SLC4A4: variants seen among roughly 807,000 people sequenced by gnomAD.
The protein encoded by SLC4A4 is electrogenic sodium bicarbonate cotransporter 1.
Under a neutral mutation model 111.5 loss-of-function variants are expected in SLC4A4, and 27 were observed. The ratio of observed to expected loss-of-function variants is 0.24; its 90% CI spans 0.18 to 0.33. The LOEUF is 0.33. SLC4A4 is among the 10% of genes least tolerant of loss of function. The probability of loss-of-function intolerance (pLI) is 1.00; values close to 1 mark genes in which losing one functional copy is unlikely to be tolerated. For missense variants in SLC4A4, 909 were observed against 1,315.5 expected (o/e 0.69, Z 4.78); for synonymous variants, 443 against 463.4 (o/e 0.96, Z 0.57).
intron 6 of SLC4A4, among the ~76,000 whole-genome samples, chr4:71,388,389 T>C (rs905169573): frequency 2.0e-5 from 3 of 152,198 alleles, no homozygotes; most frequent in African/African-American, 7.2e-5. Flanking sequence ...ATAGGGACTT[T>C]TTTATTTAGT....
At chr4:71,127,212 A>G (rs780702953) in intron 2 of SLC4A4, among the ~76,000 whole-genome samples, 3 of 152,232 alleles carry the variant, frequency 2.0e-5, no homozygotes, top group Non-Finnish European at 4.4e-5. Context: ...TCACCTTTGC[A>G]GCCTTTGTAG....
intron 3 of SLC4A4, among the ~76,000 whole-genome samples, chr4:71,327,349 A>T (rs1047326146): frequency 6.6e-6 from 1 of 151,892 alleles, no homozygotes; most frequent in African/African-American, 2.4e-5. Context: ...GTTTTCCTTT[A>T]ATTCTTTTAA....
chr4:71,480,954 C>A (rs1369003811), intron 14 of SLC4A4, among the ~76,000 whole-genome samples: 2 of 151,746 alleles, frequency 1.3e-5, no homozygotes, highest in African/African-American at 4.8e-5. Context: ...ATCCCAGGGA[C>A]AAGGTCTGCT....
At chr4:71,268,884 G>C (rs1722496768) in intron 3 of SLC4A4, among the ~76,000 whole-genome samples, 1 of 152,186 alleles carries the variant, frequency 6.6e-6, no homozygotes, top group African/African-American at 2.4e-5. Context: ...GTTGCAAAAT[G>C]TTTTATTTTT....
chr4:71,168,436 G>A (rs929724227), intron 2 of SLC4A4, among the ~76,000 whole-genome samples: 13 of 152,142 alleles, frequency 8.5e-5, no homozygotes, highest in Admixed American at 7.9e-4. Context: ...GCCTGCCTCA[G>A]CCTCCCAAAG....
chr4:71,157,756 T>G (rs1475473347), intron 2 of SLC4A4, among the ~76,000 whole-genome samples: 1 of 152,170 alleles, frequency 6.6e-6, no homozygotes, highest in Non-Finnish European at 1.5e-5. Context: ...ACACTACACA[T>G]GTAAGAATCT....
chr4:71,453,442 T>C, intron 11 of SLC4A4, 53 bp from the exon 12 acceptor site: 1 of 1,533,816 alleles, frequency 6.5e-7, no homozygotes, highest in Admixed American at 1.7e-5. Context: ...TCTTGATTAA[T>C]TTGATGGTAA....
At chr4:71,265,904 T>C (rs990796053) in intron 3 of SLC4A4, among the ~76,000 whole-genome samples, 1 of 152,218 alleles carries the variant, frequency 6.6e-6, no homozygotes, top group Admixed American at 6.5e-5. Context: ...ATATGATAAA[T>C]ATCTTTAGCT....
chr4:71,257,493 C>T (rs1252684554), intron 3 of SLC4A4, among the ~76,000 whole-genome samples: 4 of 152,120 alleles, frequency 2.6e-5, no homozygotes, highest in African/African-American at 9.7e-5. Context: ...TGGTACAGTT[C>T]TGTTTAAAAG....
chr4:71,253,640 A>G (rs570178120), intron 2 of SLC4A4, among the ~76,000 whole-genome samples: 1 of 152,294 alleles, frequency 6.6e-6, no homozygotes, highest in African/African-American at 2.4e-5. Context: ...AACAATTGAC[A>G]CTGTTTCTTA....
intron 22 of SLC4A4, 138 bp from the exon 23 acceptor site, chr4:71,559,955 C>A (rs993134212): frequency 4.3e-6 from 3 of 693,490 alleles, no homozygotes; most frequent in Admixed American, 2.2e-5. Flanking sequence ...AAGTCCATAC[C>A]GTCAAGATCA....
intron 14 of SLC4A4, among the ~76,000 whole-genome samples, chr4:71,485,329 G>A (rs1018260568): frequency 4.0e-5 from 6 of 151,380 alleles, no homozygotes; most frequent in Non-Finnish European, 7.4e-5. Context: ...TTTGTTGAGA[G>A]TTTTTTTTAA....
chr4:71,505,398 G>A (rs1176934897), intron 16 of SLC4A4, among the ~76,000 whole-genome samples: 4 of 151,436 alleles, frequency 2.6e-5, no homozygotes, highest in Non-Finnish European at 4.4e-5. Context: ...TCTGACTGGT[G>A]TGAGAGAGGA....
At chr4:71,212,792 A>T (rs553189662) in intron 1 of SLC4A4, among the ~76,000 whole-genome samples, 105 of 152,216 alleles carry the variant, frequency 6.9e-4, no homozygotes, top group Non-Finnish European at 9.6e-4. Flanking sequence ...CAGAGTGATT[A>T]CCATGAGGCT....
rs374703481 is a variant in SLC4A4 at position 71,397,668 on chromosome 4, C to A, written c.807+15C>A. ...AGAAGGACCAGGTAAGCAAAAAATT[C>A]TTGCTTCTTTGAAATGTAAGAGAAC... On this transcript the variant is annotated intron_variant, in intron 7 of 25. Coordinates refer to ENST00000264485, the MANE Select transcript of SLC4A4 (RefSeq NM_001098484.3). 4.0e-5 allele frequency: 64 copies of A among 1,609,006 alleles called. No individual in the cohort carries two copies. Among genetic ancestry groups the A allele is most frequent in the Non-Finnish European group, 5.1e-5 (60 of 1,175,524 alleles).
intron 3 of SLC4A4, among the ~76,000 whole-genome samples, chr4:71,332,255 G>T (rs534877356): frequency 3.3e-5 from 5 of 151,924 alleles, no homozygotes; most frequent in Non-Finnish European, 7.4e-5. Context: ...TCTTTAAGAT[G>T]CATTGTTCGG....
intron 1 of SLC4A4, among the ~76,000 whole-genome samples, chr4:71,208,050 C>T (rs902846304): frequency 6.6e-6 from 1 of 152,208 alleles, no homozygotes; most frequent in African/African-American, 2.4e-5. Flanking sequence ...CTCAAGCCAT[C>T]CCTCTGCCTT....
At chr4:71,469,363 C>T (rs570644780) in intron 13 of SLC4A4, among the ~76,000 whole-genome samples, 6 of 151,658 alleles carry the variant, frequency 4.0e-5, no homozygotes, top group South Asian at 2.1e-4. Context: ...ATGATATTAC[C>T]GGATGTATTT....
At chr4:71,113,029 G>A (rs927409667) in intron 2 of SLC4A4, among the ~76,000 whole-genome samples, 10 of 152,180 alleles carry the variant, frequency 6.6e-5, no homozygotes, top group Non-Finnish European at 8.8e-5. Flanking sequence ...AGATCCTGAA[G>A]TAAGATCTGC....
Sources: gnomAD v4.1 joint callset for allele counts (sites outside exome capture counted in the v4.1 genomes callset) on GRCh38, gnomAD v4.1.1 for gene constraint, MANE v1.5 for transcripts, NCBI Gene and HGNC (gene_info 2026-07-23, HGNC 2026-07-21) for gene names.